The following ZMYND11 variants were observed in gnomAD, a reference collection of about 807,000 sequenced individuals.
ZMYND11 encodes the protein zinc finger MYND-type containing 11.
In ZMYND11, 9 loss-of-function variants were observed where a neutral mutation model predicts 84.9. The observed-to-expected ratio is 0.11, with a 90% CI of 0.06 to 0.18. The LOEUF (loss-of-function observed/expected upper bound fraction) is 0.18. Ranked by LOEUF, ZMYND11 falls within the 10% of genes least tolerant of loss-of-function variation. ZMYND11 has a pLI of 1.00. For synonymous variants in ZMYND11, 250 were observed against 244.1 expected (o/e 1.02, Z -0.23); for missense variants, 409 against 761.0 (o/e 0.54, Z 5.44).
At chr10:183,619 G>C (rs1243546652) in intron 2 of ZMYND11, among the ~76,000 whole-genome samples, 1 of 152,164 alleles carries the variant, frequency 6.6e-6, no homozygotes, top group Non-Finnish European at 1.5e-5. Context: ...GTTCATATGG[G>C]AAAAGTAGAA....
chr10:215,396 C>G (rs1946009448), intron 3 of ZMYND11, among the ~76,000 whole-genome samples: 1 of 152,166 alleles, frequency 6.6e-6, no homozygotes, highest in Non-Finnish European at 1.5e-5. Context: ...ATTTCCTTGT[C>G]ACAGTTAATG....
intron 6 of ZMYND11, among the ~76,000 whole-genome samples, chr10:237,933 C>T (rs886644587): frequency 1.3e-5 from 2 of 152,076 alleles, no homozygotes; most frequent in Admixed American, 6.5e-5. Context: ...CTTGTAGCTT[C>T]TTGATCCTTG....
chr10:210,628 C>T (rs1371563794), intron 3 of ZMYND11, among the ~76,000 whole-genome samples: 1 of 152,196 alleles, frequency 6.6e-6, no homozygotes, highest in East Asian at 1.9e-4. Context: ...ACGTTTTTAC[C>T]TAGTTCTCAC....
chr10:157,492 G>A (rs375375151), intron 1 of ZMYND11, among the ~76,000 whole-genome samples: 1 of 152,102 alleles, frequency 6.6e-6, no homozygotes, highest in East Asian at 1.9e-4. Context: ...GAGCCGTTGC[G>A]CCTGGCATAA....
chr10:151,546 C>T (rs961488232), intron 1 of ZMYND11, among the ~76,000 whole-genome samples: 10 of 152,138 alleles, frequency 6.6e-5, no homozygotes, highest in African/African-American at 1.9e-4. Context: ...GCAAAGTCTT[C>T]GAGAAATATG....
chr10:249,765 A>G (rs1407428030), intron 14 of ZMYND11: 1 of 985,034 alleles, frequency 1.0e-6, no homozygotes, highest in Non-Finnish European at 1.2e-6. Context: ...GTTTTAATAA[A>G]TGACTATATA....
intron 1 of ZMYND11, among the ~76,000 whole-genome samples, chr10:162,551 G>T (rs777276925): frequency 6.6e-6 from 1 of 151,774 alleles, no homozygotes; most frequent in African/African-American, 2.4e-5. Context: ...AGTTATTGAG[G>T]GTTTTTTATA....
At position 254,509 on chromosome 10, in the gene ZMYND11, T is replaced by A. The variant is rs749417126; in HGVS notation, c.*2039T>A. ...GTGTTGAGCTTAGCCACTATGCACATTGTAATTATTCATTGTGGCTGTCCA... is the reference window on the plus strand; with the variant it reads ...GTGTTGAGCTTAGCCACTATGCACAATGTAATTATTCATTGTGGCTGTCCA... On this transcript the variant is annotated 3_prime_UTR_variant, in exon 15 of 15. Coordinates refer to ENST00000381604, the MANE Select transcript of ZMYND11 (RefSeq NM_001370100.5). 2 of 152,666 alleles carry A rather than the reference T, an allele frequency of 1.3e-5. No homozygotes were observed. Among genetic ancestry groups the A allele is most frequent in the Admixed American group, 1.3e-4 (2 of 15,278 alleles). 9.5% of individuals were successfully genotyped at this position (152,666 alleles called of 1,614,324 possible). A position where few individuals can be genotyped will look rare whatever the true frequency, so the allele number is the denominator to read the frequency against.
chr10:237,492 T>A lies in ZMYND11; in HGVS notation c.517-93T>A, dbSNP rs546272889. 18 of 759,160 alleles carry A rather than the reference T, an allele frequency of 2.4e-5. No individual in the cohort carries two copies. The South Asian group carries it at 3.7e-4, about 15-fold the overall frequency. The allele number at this position is 759,160 out of a possible 1,614,324, so 47.0% of individuals were successfully genotyped here. A position where few individuals can be genotyped will look rare whatever the true frequency, so the allele number is the denominator to read the frequency against. On this transcript the variant is annotated intron_variant, in intron 5 of 14. Transcript: ENST00000381604. ...ACCCTGTCTCTACAAAAATAAAAAA[T>A]AAAAAGGTAGAAAATATTTTGAGCT...
chr10:233,047 T>A lies in ZMYND11; in HGVS notation c.439-3791T>A, dbSNP rs150921212. 4.6e-5 allele frequency among the ~76,000 whole-genome samples: 7 copies of A among 152,356 alleles called. No individual in the cohort carries two copies. The East Asian group carries it at 1.2e-3, about 25-fold the overall frequency. On this transcript the variant is annotated intron_variant, in intron 4 of 14. Coordinates refer to ENST00000381604, the MANE Select transcript of ZMYND11 (RefSeq NM_001370100.5). ...GGGCTGCTGCACCAGCGTGCGCTTG[T>A]CCGTGTTTACATGACGAGGTCTCTT...
At chr10:140,825 G>A (rs1359248612) in intron 1 of ZMYND11, among the ~76,000 whole-genome samples, 1 of 152,240 alleles carries the variant, frequency 6.6e-6, no homozygotes, top group African/African-American at 2.4e-5. Context: ...GTTGCATTGA[G>A]TATGTGGCAC....
intron 2 of ZMYND11, among the ~76,000 whole-genome samples, chr10:180,866 C>G (rs761817398): frequency 6.6e-6 from 1 of 152,134 alleles, no homozygotes; most frequent in Non-Finnish European, 1.5e-5. Context: ...TTAACAATTT[C>G]CTTCTGTATT....
At chr10:137,378 TTAGGTGTTCTGCATCCCACAG>T (rs1423771879) in intron 1 of ZMYND11, among the ~76,000 whole-genome samples, 1 of 152,158 alleles carries the variant, frequency 6.6e-6, no homozygotes, top group Non-Finnish European at 1.5e-5. Flanking sequence ...TCCTCCTCAC[TTAGGTGTTCTGCATCCCACAG>T]TAAGCTGAGT....
chr10:171,522 A>G (rs781937589), intron 1 of ZMYND11, among the ~76,000 whole-genome samples: 1 of 152,170 alleles, frequency 6.6e-6, no homozygotes, highest in Non-Finnish European at 1.5e-5. Flanking sequence ...GAAATCCCCA[A>G]ATATATTGAG....
At chr10:211,027 A>G (rs896751416) in intron 3 of ZMYND11, among the ~76,000 whole-genome samples, 9 of 151,624 alleles carry the variant, frequency 5.9e-5, no homozygotes, top group Admixed American at 3.9e-4. Flanking sequence ...CCCCATCTCT[A>G]CAAAAAAATA....
At chr10:248,271 G>A in intron 12 of ZMYND11, 65 bp from the exon 13 acceptor site, 1 of 1,552,548 alleles carries the variant, frequency 6.4e-7, no homozygotes, top group Non-Finnish European at 8.7e-7. Flanking sequence ...TCCGAATGGG[G>A]TAGTTCTTGA....
upstream of ZMYND11, among the ~76,000 whole-genome samples, chr10:132,049 G>C (rs1486985430): frequency 6.6e-6 from 1 of 152,014 alleles, no homozygotes; most frequent in Non-Finnish European, 1.5e-5. Context: ...TAATCTAATA[G>C]AGGAGAAGAT....
chr10:154,797 A>G (rs1841311421), intron 1 of ZMYND11: 2 of 152,220 alleles, frequency 1.3e-5, no homozygotes, highest in Non-Finnish European at 2.9e-5. Context: ...TTAAAAATCA[A>G]TTTTGTACTG....
chr10:179,930 A>G (rs1847475236), intron 1 of ZMYND11, 64 bp from the exon 2 acceptor site: 1 of 964,100 alleles, frequency 1.0e-6, no homozygotes, highest in Non-Finnish European at 1.6e-6. Flanking sequence ...AATGTTACTC[A>G]CTTATACTGA....
Sources: gnomAD v4.1 joint callset for allele counts (sites outside exome capture counted in the v4.1 genomes callset) on GRCh38, gnomAD v4.1.1 for gene constraint, MANE v1.5 for transcripts, NCBI Gene and HGNC (gene_info 2026-07-23, HGNC 2026-07-21) for gene names.